Variants in TUT4 observed in about 807,000 individuals in gnomAD.
TUT4 encodes the protein terminal uridylyl transferase 4.
Under a neutral mutation model 192.2 loss-of-function variants are expected in TUT4, and 36 were observed. The ratio of observed to expected loss-of-function variants is 0.19; its 90% confidence interval spans 0.14 to 0.25. The LOEUF (loss-of-function observed/expected upper bound fraction) is 0.25. TUT4 is among the 10% of genes least tolerant of loss of function. The probability of loss-of-function intolerance (pLI) is 1.00; values close to 1 mark genes in which losing one functional copy is unlikely to be tolerated. For missense variants in TUT4, 1,493 were observed against 1,957.2 expected, an observed-to-expected ratio of 0.76 and a Z score of 4.47; for synonymous variants, 618 against 666.0, an observed-to-expected ratio of 0.93 and a Z score of 1.11.
chr1:52,500,879 G>A (rs943420110), intron 4 of TUT4, among the ~76,000 whole-genome samples: 5 of 151,844 alleles, frequency 3.3e-5, no homozygotes, highest in Non-Finnish European at 5.9e-5. Flanking sequence ...GCTACAGCGA[G>A]CCATGACTGT....
intron 24 of TUT4, among the ~76,000 whole-genome samples, chr1:52,443,314 C>T (rs1048758472): frequency 4.0e-5 from 6 of 149,786 alleles, no homozygotes; most frequent in African/African-American, 1.2e-4. Flanking sequence ...AAAGGCTGGG[C>T]ACAGTGGCTC....
rs1466629691 is a variant in TUT4, at chr1:52,481,898, T to C, written c.1541A>G (p.Asp514Gly). Reference sequence around the variant, plus strand: ...AAAACAGTAAGAAGGGATTCCACCATCAGTTTGGGAGTCAATATAGCACAA... The same window carrying C: ...AAAACAGTAAGAAGGGATTCCACCACCAGTTTGGGAGTCAATATAGCACAA... Reference protein sequence around the residue: ...AKLCYIDSQTDGGIPSYCFAL... With the variant: ...AKLCYIDSQTGGGIPSYCFAL... The change falls in exon 10 of 30, where the codon GAT (aspartate) becomes GGT (glycine). Residue 514 changes from aspartate to glycine, a missense_variant. Coordinates refer to ENST00000257177, the MANE Select transcript of TUT4 (RefSeq NM_001009881.3). 24 of 1,592,614 alleles carry C rather than the reference T, an allele frequency of 1.5e-5. No homozygotes were observed. The highest frequency in any genetic ancestry group is 1.9e-5 in the Non-Finnish European group (22 of 1,174,240).
chr1:52,448,554 A>G (rs1280449342), intron 20 of TUT4, among the ~76,000 whole-genome samples: 2 of 140,240 alleles, frequency 1.4e-5, no homozygotes, highest in Non-Finnish European at 3.0e-5. Context: ...GTGCCACTAC[A>G]CTCCAGACTG....
intron 16 of TUT4, chr1:52,462,879 GA>G: frequency 2.0e-5 from 20 of 985,250 alleles, no homozygotes; most frequent in Non-Finnish European, 2.4e-5. Context: ...GGAAATAGCT[GA>G]AGGGTATAAA....
At chr1:52,535,835 A>G (rs1351404002) in intron 1 of TUT4, among the ~76,000 whole-genome samples, 1 of 152,228 alleles carries the variant, frequency 6.6e-6, no homozygotes, top group African/African-American at 2.4e-5. Flanking sequence ...AACCATGGAA[A>G]TGAGAAGGCA....
At chr1:52,494,436 A>G (rs1031262611) in intron 6 of TUT4, among the ~76,000 whole-genome samples, 1 of 152,202 alleles carries the variant, frequency 6.6e-6, no homozygotes, top group African/African-American at 2.4e-5. Flanking sequence ...TCACACCTGT[A>G]ATCCCAGCAC....
chr1:52,526,902 G>A (rs934256499), intron 1 of TUT4, among the ~76,000 whole-genome samples: 1 of 152,118 alleles, frequency 6.6e-6, no homozygotes, highest in Non-Finnish European at 1.5e-5. Flanking sequence ...GCGTGCGCCT[G>A]TAATCCCAGT....
chr1:52,461,158 T>C lies in TUT4; in HGVS notation c.3297A>G (p.Gly1099=), dbSNP rs763503603. ...CCTTAGCAAACACTTTCATAGTATA[T>C]CCCAAATACTGCACTCTAGGATCAA... ...AAIDPRVQYL[G]YTMKVFAKRC... Residue 1099 remains glycine (G), a synonymous_variant, in exon 19 of 30, where the codon GGA becomes GGG. Coordinates refer to ENST00000257177, the MANE Select transcript of TUT4 (RefSeq NM_001009881.3). The C allele has an allele frequency of 6.3e-7, 1 of 1,596,190 alleles. No individual in the cohort carries two copies. The highest frequency in any genetic ancestry group is 8.5e-7 in the Non-Finnish European group (1 of 1,169,844).
chr1:52,490,697 G>A (rs1670938941), intron 8 of TUT4, 35 bp downstream of exon 8: 2 of 1,564,060 alleles, frequency 1.3e-6, no homozygotes, highest in African/African-American at 2.8e-5. Flanking sequence ...GTTGGGGTTT[G>A]TTTTTTTAAA....
At position 52,495,524 on chromosome 1, in the gene TUT4, A is replaced by T. The variant is rs772031768; in HGVS notation, c.1178-9T>A. On this transcript the variant is annotated splice_polypyrimidine_tract_variant and intron_variant, in intron 5 of 29. Coordinates refer to ENST00000257177, the MANE Select transcript of TUT4 (RefSeq NM_001009881.3). Reference sequence around the variant, plus strand: ...CAACCTAAGTGAACATTCTGGAATAAAGGAAAAACATCAAAGCATGAAATA... The same window carrying T: ...CAACCTAAGTGAACATTCTGGAATATAGGAAAAACATCAAAGCATGAAATA... The T allele has an allele frequency of 4.4e-6, 7 of 1,594,080 alleles. No homozygotes were observed. The Admixed American group carries it at 1.1e-4, about 24-fold the overall frequency.
intron 1 of TUT4, among the ~76,000 whole-genome samples, chr1:52,536,698 C>A (rs570150321): frequency 1.3e-5 from 2 of 151,306 alleles, no homozygotes; most frequent in South Asian, 4.2e-4. Flanking sequence ...ACTAAAAATA[C>A]GAAAAAATAA....
chr1:52,453,669 T>C (rs972846505), intron 20 of TUT4, among the ~76,000 whole-genome samples: 4 of 152,176 alleles, frequency 2.6e-5, no homozygotes, highest in African/African-American at 7.2e-5. Context: ...TCAGGAATAA[T>C]ACAAGGATGT....
At chr1:52,430,775 T>A (rs903820188) in intron 28 of TUT4, among the ~76,000 whole-genome samples, 1 of 152,220 alleles carries the variant, frequency 6.6e-6, no homozygotes, top group Non-Finnish European at 1.5e-5. Flanking sequence ...AGATGGCCTA[T>A]TTTACAGATG....
chr1:52,436,869 G>C lies in TUT4; in HGVS notation c.4048C>G (p.Arg1350Gly), dbSNP rs757073625. The C allele has an allele frequency of 2.5e-6, 4 of 1,613,666 alleles. No homozygotes were observed. The highest frequency in any genetic ancestry group is 1.7e-5 in the Admixed American group (1 of 59,958). Reference protein sequence around the residue: ...VLDPRDLHDTRDFRDPRDLRC... With the variant: ...VLDPRDLHDTGDFRDPRDLRC... ...AGGTCTCTCGGGTCTCTAAAGTCTC[G>C]AGTATCGTGGAGGTCTCGGGGGTCA... The change falls in exon 26 of 30, where the codon CGA (arginine) becomes GGA (glycine). Residue 1350 changes from arginine (R) to glycine (G), a missense_variant. Arg to Gly is a moderately radical substitution (Grantham distance 125). Around this residue, in one of 7 missense-constraint regions of TUT4, gnomAD observed 351 missense variants for 397.8 expected, o/e 0.88. Transcript: ENST00000257177.
chr1:52,504,440 G>A (rs1212970302), intron 4 of TUT4, among the ~76,000 whole-genome samples: 1 of 152,086 alleles, frequency 6.6e-6, no homozygotes, highest in African/African-American at 2.4e-5. Flanking sequence ...GACCAGCCTG[G>A]CCAACATGGT....
At chr1:52,539,728 G>A (rs578009277) in intron 1 of TUT4, among the ~76,000 whole-genome samples, 2 of 151,866 alleles carry the variant, frequency 1.3e-5, no homozygotes, top group East Asian at 3.9e-4. Flanking sequence ...ACAACATGGT[G>A]AAACCCTGTC....
At chr1:52,500,712 A>C (rs902460258) in intron 4 of TUT4, among the ~76,000 whole-genome samples, 16 of 152,202 alleles carry the variant, frequency 1.1e-4, no homozygotes, top group African/African-American at 3.9e-4. Context: ...CAATGAGCCG[A>C]GATTGTGCCA....
At chr1:52,520,737 T>C (rs562497126) in intron 2 of TUT4, among the ~76,000 whole-genome samples, 2 of 152,342 alleles carry the variant, frequency 1.3e-5, no homozygotes, top group South Asian at 2.1e-4. Flanking sequence ...ATGTCGTTCC[T>C]ATTTCATTTT....
chr1:52,464,992 A>G (rs767378946), intron 16 of TUT4, 78 bp downstream of exon 16: 11 of 1,089,920 alleles, frequency 1.0e-5, no homozygotes, highest in Non-Finnish European at 1.3e-5. Flanking sequence ...CATTTTTATC[A>G]ATATCACATA....
Sources: gnomAD v4.1 joint callset for allele counts (sites outside exome capture counted in the v4.1 genomes callset) on GRCh38, gnomAD v4.1.1 for gene constraint, gnomAD v4.1.1 regional missense constraint, MANE v1.5 for transcripts, NCBI Gene and HGNC (gene_info 2026-07-23, HGNC 2026-07-21) for gene names.